The following IL31RA variants were observed in gnomAD, a reference collection of about 807,000 sequenced individuals.
IL31RA encodes interleukin 31 receptor A, also known as interleukin-31 receptor subunit alpha.
A neutral mutation model predicts 83.7 loss-of-function variants in IL31RA; 66 were observed. The ratio of observed to expected loss-of-function variants is 0.79; its 90% CI spans 0.65 to 0.97. The LOEUF (loss-of-function observed/expected upper bound fraction) is 0.97, where lower values mean the gene tolerates loss of function less well. IL31RA is among the 50% of genes least tolerant of loss of function. The pLI, the probability that IL31RA is intolerant of heterozygous loss-of-function variation, is 0.00. For missense variants in IL31RA, 798 were observed against 919.4 expected (o/e 0.87, Z 1.71); for synonymous variants, 325 against 329.0 (o/e 0.99, Z 0.13).
intron 4 of IL31RA, among the ~76,000 whole-genome samples, chr5:55,876,331 G>A (rs913666862): frequency 2.6e-5 from 4 of 152,072 alleles, no homozygotes; most frequent in South Asian, 2.1e-4. Context: ...ACTTGCACTC[G>A]GGAAGCAGAG....
chr5:55,863,685 T>C (rs1745824796), intron 2 of IL31RA, among the ~76,000 whole-genome samples: 3 of 152,216 alleles, frequency 2.0e-5, no homozygotes, highest in Admixed American at 6.5e-5. Context: ...TCTCTTACCA[T>C]GTGCCAACCA....
At chr5:55,888,554 G>A (rs1469224806) in intron 5 of IL31RA, among the ~76,000 whole-genome samples, 5 of 152,222 alleles carry the variant, frequency 3.3e-5, no homozygotes, top group Non-Finnish European at 7.3e-5. Flanking sequence ...AGCATGACAA[G>A]TAAAATAGAG....
In IL31RA at chr5:55,918,618, T is replaced by C. The variant is rs1749927964; in HGVS notation, c.*1498T>C. Among the ~76,000 whole-genome samples the C allele has an allele frequency of 6.6e-6, 1 of 152,122 alleles. No homozygotes were observed. The highest frequency in any genetic ancestry group is 1.5e-5 in the Non-Finnish European group (1 of 68,028). On this transcript the variant is annotated 3_prime_UTR_variant, in exon 15 of 15. Coordinates refer to ENST00000652347, the MANE Select transcript of IL31RA (RefSeq NM_139017.7). ...TCACTCAGTGGCATCCTCTGGGTCATGTATTTGTCCGGCCGTGTTTTTGTC... is the reference window on the plus strand; with the variant it reads ...TCACTCAGTGGCATCCTCTGGGTCACGTATTTGTCCGGCCGTGTTTTTGTC...
rs780726026 is a variant in IL31RA at position 55,883,044 on chromosome 5, C to G, written c.455C>G (p.Ala152Gly). ...HMTYWRLENI[A>G]KTEPPKIFRV... ...AGAGTTGTATGATTTTTATTTTCAG[C>G]GAAAACTGAACCACCTAAGATTTTC... The change falls in exon 5 of 15, where the codon GCG (alanine) becomes GGG (glycine). Residue 152 changes from alanine to glycine, a missense_variant and splice_region_variant. By Grantham distance (60) the Ala-to-Gly change is moderately conservative (BLOSUM62 0). Coordinates refer to ENST00000652347, the MANE Select transcript of IL31RA (RefSeq NM_139017.7). 2 of 1,613,330 alleles carry G rather than the reference C, an allele frequency of 1.2e-6. No homozygotes were observed. The highest frequency in any genetic ancestry group is 8.5e-7 in the Non-Finnish European group (1 of 1,179,630).
At chr5:55,867,207 G>T (rs1253985419) in intron 2 of IL31RA, among the ~76,000 whole-genome samples, 18 of 58,706 alleles carry the variant, frequency 3.1e-4, no homozygotes, top group African/African-American at 1.4e-3. Flanking sequence ...GTTTGTGTGT[G>T]TGCGCATGTG....
intron 10 of IL31RA, 23 bp downstream of exon 10, chr5:55,907,483 G>A: frequency 6.7e-7 from 1 of 1,494,678 alleles, no homozygotes; most frequent in Non-Finnish European, 9.3e-7. Context: ...AAGACCCTGT[G>A]GGGAAAAGGA....
intron 10 of IL31RA, 69 bp from the exon 11 acceptor site, chr5:55,908,196 G>C (rs1244618617): frequency 3.1e-6 from 5 of 1,607,382 alleles, no homozygotes; most frequent in Non-Finnish European, 4.2e-6. Flanking sequence ...ACTGGCCAGG[G>C]CCTTTGTGGG....
intron 5 of IL31RA, among the ~76,000 whole-genome samples, chr5:55,888,073 G>C (rs1747747240): frequency 6.6e-6 from 1 of 151,604 alleles, no homozygotes; most frequent in South Asian, 2.1e-4. Flanking sequence ...CACACACACA[G>C]AATTTGATTT....
At chr5:55,845,258 G>C in the IL31RA span, among the ~76,000 whole-genome samples, 1 of 152,192 alleles carries the variant, frequency 6.6e-6, no homozygotes, top group African/African-American at 2.4e-5. Context: ...TGTGAAGGGA[G>C]AGGAAGTGTT....
rs551084317 is a variant in IL31RA, at chr5:55,887,102, C to T, written c.607-2868C>T. Among the ~76,000 whole-genome samples the T allele has an allele frequency of 2.0e-5, 3 of 152,278 alleles. No individual in the cohort carries two copies. In the East Asian group the frequency reaches 5.8e-4, roughly 29 times the overall value. ...ACTAATGCTAAAATTCCAACATGTC[C>T]GTTTAACAAGACCCATATTTGTATG... On this transcript the variant is annotated intron_variant, in intron 5 of 14. Coordinates refer to ENST00000652347, the MANE Select transcript of IL31RA (RefSeq NM_139017.7).
chr5:55,907,291 C>G, intron 9 of IL31RA, 68 bp from the exon 10 acceptor site: 1 of 904,230 alleles, frequency 1.1e-6, no homozygotes, highest in East Asian at 2.5e-5. Context: ...GGCCATAACT[C>G]TTAGTCTAGT....
In IL31RA at chr5:55,869,175, T is replaced by A. The variant is rs138870798; in HGVS notation, c.272+267T>A. ...ACAGTGGAAAAATCTGTTTATTTAC[T>A]ACACTCAACTATACCCTGCCTCTTT... On this transcript the variant is annotated intron_variant, in intron 3 of 14. Coordinates refer to ENST00000652347, the MANE Select transcript of IL31RA (RefSeq NM_139017.7). 1.4e-3 allele frequency among the ~76,000 whole-genome samples: 209 copies of A among 152,338 alleles called. 1 individual carries two copies. The Middle Eastern group carries it at 0.017, about 12-fold the overall frequency.
chr5:55,860,846 A>G (rs1405222733), intron 2 of IL31RA, among the ~76,000 whole-genome samples: 1 of 152,214 alleles, frequency 6.6e-6, no homozygotes, highest in Non-Finnish European at 1.5e-5. Flanking sequence ...TGGCTTAAGC[A>G]ACAGAAATTT....
chr5:55,897,806 G>C (rs770115115), intron 7 of IL31RA, among the ~76,000 whole-genome samples: 3 of 152,122 alleles, frequency 2.0e-5, no homozygotes, highest in Non-Finnish European at 4.4e-5. Context: ...AGAAGGAAGA[G>C]AGGAGTGAGA....
At chr5:55,886,079 A>G (rs1295913982) in intron 5 of IL31RA, among the ~76,000 whole-genome samples, 1 of 151,858 alleles carries the variant, frequency 6.6e-6, no homozygotes, top group Non-Finnish European at 1.5e-5. Flanking sequence ...GGTATAAACT[A>G]CCCAACCCTT....
At chr5:55,893,797 G>A (rs1168214377) in intron 6 of IL31RA, among the ~76,000 whole-genome samples, 2 of 149,138 alleles carry the variant, frequency 1.3e-5, no homozygotes, top group African/African-American at 2.5e-5. Context: ...CAAAATGGCT[G>A]CCTATGAGAT....
chr5:55,897,015 ATT>A (rs1178147444), intron 7 of IL31RA, among the ~76,000 whole-genome samples: 5 of 844 alleles, frequency 5.9e-3, no homozygotes, highest in Admixed American at 0.029. Context: ...ATATATATAT[ATT>A]TTTTTTTTTT....
At chr5:55,911,936 TG>T (rs150472832) in intron 12 of IL31RA, among the ~76,000 whole-genome samples, 3 of 152,324 alleles carry the variant, frequency 2.0e-5, no homozygotes, top group East Asian at 1.9e-4. Context: ...GAGTATGACA[TG>T]TTTTTTTTAC....
chr5:55,897,309 A>G (rs761934557), intron 7 of IL31RA, among the ~76,000 whole-genome samples: 15 of 151,644 alleles, frequency 9.9e-5, no homozygotes, highest in Non-Finnish European at 1.5e-4. Flanking sequence ...GTCATCTTGC[A>G]GATGGCCCAA....
Sources: allele counts gnomAD v4.1 joint callset (sites outside exome capture counted in the v4.1 genomes callset), GRCh38; gene constraint gnomAD v4.1.1; transcripts MANE v1.5; gene names NCBI Gene and HGNC (gene_info 2026-07-23, HGNC 2026-07-21).